The following STAT3 variants were observed in gnomAD, a reference collection of about 807,000 sequenced individuals.
STAT3 encodes the protein signal transducer and activator of transcription 3, also known as DNA-binding protein APRF.
Under a neutral mutation model 114.3 loss-of-function variants are expected in STAT3, and 7 were observed. The ratio of observed to expected loss-of-function variants is 0.06; its 90% CI spans 0.03 to 0.11. The LOEUF (loss-of-function observed/expected upper bound fraction) is 0.11, where lower values mean the gene tolerates loss of function less well. Ranked by LOEUF, STAT3 falls within the 10% of genes least tolerant of loss-of-function variation. The pLI, the probability that STAT3 is intolerant of heterozygous loss-of-function variation, is 1.00. For synonymous variants in STAT3, 331 were observed against 354.5 expected (o/e 0.93, Z 0.74); for missense variants, 364 against 960.9 (o/e 0.38, Z 8.21).
At chr17:42,365,776 C>T (rs2083756038) in intron 1 of STAT3, among the ~76,000 whole-genome samples, 1 of 151,670 alleles carries the variant, frequency 6.6e-6, no homozygotes, top group African/African-American at 2.4e-5. Flanking sequence ...CTGCCTCAAC[C>T]TCCCAAGTAG....
rs17884478 is a variant in STAT3, at chr17:42,345,822, G to A, written c.274-165C>T. On this transcript the variant is annotated intron_variant, in intron 3 of 23. Transcript: ENST00000264657. ...GGGTGAAGGCTCTCTGTCGGCGGGG[G>A]GCGAAGGGGAGGTCGTTACTATTTC... Among the ~76,000 whole-genome samples, 9,218 of 151,608 alleles carry A rather than the reference G, an allele frequency of 0.061. 345 individuals carry two copies. Among genetic ancestry groups the A allele is most frequent in the Non-Finnish European group, 0.074 (5,057 of 67,934 alleles).
intron 1 of STAT3, among the ~76,000 whole-genome samples, chr17:42,349,560 A>G (rs1360201134): frequency 6.6e-6 from 1 of 152,254 alleles, no homozygotes; most frequent in Non-Finnish European, 1.5e-5. Flanking sequence ...CCTACTCAAC[A>G]AATAATAACT....
rs754306251 is a variant in STAT3 at position 42,314,851 on chromosome 17, C to CTTTTTTTTTTTT, written c.*882_*893dup. The CTTTTTTTTTTTT allele has an allele frequency of 7.2e-6, 1 of 138,322 alleles. No homozygotes were observed. The highest frequency in any genetic ancestry group is 3.1e-5 in the African/African-American group (1 of 32,630). The allele number at this position is 138,322 out of a possible 1,614,324, so 8.6% of individuals were successfully genotyped here. ...CCAAGGAGGCTGTTAACTGAAGTTTCTTTTTTTTTTTTTTTTTTTTGAGAC... is the reference window on the plus strand; with the variant it reads ...CCAAGGAGGCTGTTAACTGAAGTTTCTTTTTTTTTTTTTTTTTTTTTTTTTTTTTTTTGAGAC... On this transcript the variant is annotated 3_prime_UTR_variant, in exon 24 of 24. Transcript: ENST00000264657.
intron 1 of STAT3, among the ~76,000 whole-genome samples, chr17:42,364,417 T>A (rs1325321511): frequency 6.6e-6 from 1 of 152,166 alleles, no homozygotes; most frequent in Non-Finnish European, 1.5e-5. Context: ...CGAGGGCCAC[T>A]GAAGGGAGAA....
rs747407875 is a variant in STAT3, at chr17:42,337,862, G to A, written c.551-5C>T. On this transcript the variant is annotated splice_polypyrimidine_tract_variant and splice_region_variant and intron_variant, in intron 6 of 23. Coordinates refer to ENST00000264657, the MANE Select transcript of STAT3 (RefSeq NM_139276.3). The surrounding 1 kb of genome is among the most constrained non-coding windows in gnomAD (Gnocchi z 4.0). ...TTCCATTCAGATCTTGCATGTCTGC[G>A]AAGGAAGAAAAAACTCCTTGACCTG... 8 of 1,613,962 alleles carry A rather than the reference G, an allele frequency of 5.0e-6. No homozygotes were observed. Among genetic ancestry groups the A allele is most frequent in the Middle Eastern group, 3.3e-4 (2 of 6,040 alleles).
chr17:42,350,841 A>C (rs1598450535), intron 1 of STAT3, among the ~76,000 whole-genome samples: 1 of 152,222 alleles, frequency 6.6e-6, no homozygotes, highest in East Asian at 1.9e-4. Context: ...ATACTTAAAA[A>C]GTTAAAAGAG....
chr17:42,345,279 A>G (rs913372921), intron 4 of STAT3: 17 of 391,874 alleles, frequency 4.3e-5, no homozygotes, highest in African/African-American at 3.4e-4. Context: ...AAAAAAAAAA[A>G]AGAAAAACAA....
chr17:42,318,820 TC>T (rs2081351457), intron 21 of STAT3, among the ~76,000 whole-genome samples: 1 of 152,184 alleles, frequency 6.6e-6, no homozygotes, highest in African/African-American at 2.4e-5. Context: ...AAGAAACTGA[TC>T]AATTCAGTGC....
chr17:42,345,517 C>T (rs773132688), intron 4 of STAT3, 42 bp downstream of exon 4: 23 of 1,528,726 alleles, frequency 1.5e-5, no homozygotes, highest in Non-Finnish European at 2.0e-5. Context: ...TTTGATTTTC[C>T]ATTCCTCCCA....
intron 4 of STAT3, among the ~76,000 whole-genome samples, chr17:42,342,169 A>G (rs16967689): frequency 6.6e-6 from 1 of 152,134 alleles, no homozygotes; most frequent in South Asian, 2.1e-4. Flanking sequence ...ACACCTGAGC[A>G]TATCAGTTTT....
Position 42,315,394 on chromosome 17 carries a change from C to A in STAT3, c.*351G>T. On this transcript the variant is annotated 3_prime_UTR_variant, in exon 24 of 24. Transcript: ENST00000264657. ...GCACCAGGAGGCACTTGTCTAAGAA[C>A]AACAACAACAATAACAAAAAGCTGC... 2.2e-6 allele frequency: 1 copy of A among 453,822 alleles called. No homozygotes were observed. The highest frequency in any genetic ancestry group is 3.7e-5 in the Admixed American group (1 of 27,382). 28.1% of individuals were successfully genotyped at this position (453,822 alleles called of 1,614,324 possible).
rs1026690867 is a variant in STAT3, at chr17:42,324,056, C to T, written c.1601-431G>A. On this transcript the variant is annotated intron_variant, in intron 17 of 23. Transcript: ENST00000264657. The surrounding 1 kb of genome is among the most constrained non-coding windows in gnomAD (Gnocchi z 4.5). ...CTAGCCTACGCTGGGCACAGTGGCT[C>T]AAGCCTGTAATCCCAGCACTTTAGG... is the stretch of plus-strand genomic sequence containing the variant. 5.9e-5 allele frequency among the ~76,000 whole-genome samples: 9 copies of T among 152,198 alleles called. No individual in the cohort carries two copies. Among genetic ancestry groups the T allele is most frequent in the Admixed American group, 2.0e-4 (3 of 15,270 alleles).
chr17:42,327,813 C>T (rs560981296), intron 14 of STAT3, among the ~76,000 whole-genome samples: 8 of 152,126 alleles, frequency 5.3e-5, no homozygotes, highest in Admixed American at 2.6e-4. Context: ...TTTCGGAGGC[C>T]GAGATGGGTG....
chr17:42,314,368 C>T lies in STAT3; in HGVS notation c.*1377G>A, dbSNP rs1171565964. On this transcript the variant is annotated 3_prime_UTR_variant, in exon 24 of 24. Transcript: ENST00000264657. ...CATCATGTCCAACCTGTAACTCTCT[C>T]CCCCTCTTCTTCCATGAGGTCCTGA... 8.6e-6 allele frequency: 2 copies of T among 232,922 alleles called. No homozygotes were observed. Among genetic ancestry groups the T allele is most frequent in the Admixed American group, 1.1e-4 (2 of 17,752 alleles). The allele number at this position is 232,922 out of a possible 1,614,324, so 14.4% of individuals were successfully genotyped here. A position where few individuals can be genotyped will look rare whatever the true frequency, so the allele number is the denominator to read the frequency against.
chr17:42,350,903 C>CA (rs2082915856), intron 1 of STAT3, among the ~76,000 whole-genome samples: 1 of 152,124 alleles, frequency 6.6e-6, no homozygotes, highest in Non-Finnish European at 1.5e-5. Flanking sequence ...GAGGCCAAGG[C>CA]AGGCGGATCA....
chr17:42,364,569 A>G (rs934089530), intron 1 of STAT3, among the ~76,000 whole-genome samples: 1 of 148,182 alleles, frequency 6.7e-6, no homozygotes, highest in Non-Finnish European at 1.5e-5. Context: ...AATAAAGCAG[A>G]TAAAGAGAAC....
intron 2 of STAT3, among the ~76,000 whole-genome samples, chr17:42,346,987 C>A (rs1192728483): frequency 6.6e-6 from 1 of 151,758 alleles, no homozygotes; most frequent in Admixed American, 6.6e-5. Flanking sequence ...TCAGGAGTTC[C>A]AGACCAACCT....
intron 1 of STAT3, among the ~76,000 whole-genome samples, chr17:42,357,944 A>G (rs1250031876): frequency 1.3e-5 from 2 of 152,138 alleles, no homozygotes; most frequent in African/African-American, 4.8e-5. Flanking sequence ...AAATATTAAC[A>G]CTTGAGTGCC....
chr17:42,322,642 C>T (rs2081529377), intron 20 of STAT3, 148 bp from the exon 21 acceptor site: 1 of 907,090 alleles, frequency 1.1e-6, no homozygotes, highest in Non-Finnish European at 1.8e-6. Context: ...TGGCCTGGCA[C>T]TGTGGAAATA....
Sources: gnomAD v4.1 joint callset for allele counts (sites outside exome capture counted in the v4.1 genomes callset) on GRCh38, gnomAD v4.1.1 for gene constraint, Gnocchi (gnomAD v3.1) non-coding constraint, MANE v1.5 for transcripts, NCBI Gene and HGNC (gene_info 2026-07-23, HGNC 2026-07-21) for gene names.